Variants in STARD9 observed in about 807,000 individuals in gnomAD.
STARD9 encodes stAR-related lipid transfer protein 9.
In STARD9, 346 loss-of-function variants were observed where a neutral mutation model predicts 399.8. The observed-to-expected ratio is 0.87, with a 90% CI of 0.79 to 0.95. The LOEUF is 0.95. Ranked by LOEUF, STARD9 falls within the 40% of genes least tolerant of loss-of-function variation. The pLI is 0.00. For missense variants in STARD9, 5,832 were observed against 5,667.5 expected (o/e 1.03, Z -0.93); for synonymous variants, 2,203 against 2,143.5 (o/e 1.03, Z -0.77).
At chr15:42,630,828 T>G (rs146458253) in intron 3 of STARD9, among the ~76,000 whole-genome samples, 144 of 152,226 alleles carry the variant, frequency 9.5e-4, no homozygotes, top group African/African-American at 3.4e-3. Flanking sequence ...TCTTCATCTG[T>G]CTAAAGGCTT....
chr15:42,693,226 A>G lies in STARD9; in HGVS notation c.11648A>G (p.Gln3883Arg). Reference sequence around the variant, plus strand: ...GAGTATCCTGGGGACTCCAGGGTCCAGAAGAAGCTGGGCCCCACAAGTGCT... The same window carrying G: ...GAGTATCCTGGGGACTCCAGGGTCCGGAAGAAGCTGGGCCCCACAAGTGCT... ...TSEYPGDSRV[Q>R]KKLGPTSALF... The change falls in exon 23 of 33, where the codon CAG becomes CGG. Residue 3883 changes from glutamine to arginine, a missense_variant. Around this residue, in one of 2 missense-constraint regions of STARD9, gnomAD observed 5,828 missense variants for 5,651.1 expected, o/e 1.03. Transcript: ENST00000290607. 1.3e-6 allele frequency: 2 copies of G among 1,536,956 alleles called. No homozygotes were observed.
intron 7 of STARD9, among the ~76,000 whole-genome samples, chr15:42,647,162 A>AT (rs2059662888): frequency 6.6e-6 from 1 of 152,214 alleles, no homozygotes. Flanking sequence ...AGCCTAGCAC[A>AT]TTGGCCAGTT....
At chr15:42,712,096 TA>T (rs1192910136) in intron 26 of STARD9, among the ~76,000 whole-genome samples, 3 of 508 alleles carry the variant, frequency 5.9e-3, no homozygotes, top group Admixed American at 0.062. Context: ...TATATATATA[TA>T]ATATATAATA....
chr15:42,611,433 T>G (rs1188009509), intron 3 of STARD9, among the ~76,000 whole-genome samples: 4 of 152,238 alleles, frequency 2.6e-5, no homozygotes, highest in Admixed American at 1.3e-4. Flanking sequence ...TTCTTGGAAA[T>G]TCCACCTGAT....
intron 3 of STARD9, among the ~76,000 whole-genome samples, chr15:42,589,099 G>A (rs2058344597): frequency 1.3e-5 from 2 of 152,138 alleles, no homozygotes; most frequent in African/African-American, 4.8e-5. Context: ...ACAGGTGTGA[G>A]CCACCACATC....
chr15:42,720,571 T>C lies in STARD9; in HGVS notation c.*997T>C, dbSNP rs1392358764. The stretch of plus-strand genomic sequence containing the variant: ...CCACCTATCCTAGGATGGGGTGGGA[T>C]GGAGAGTGGGTTCAGTTTTCTTGTA... On this transcript the variant is annotated 3_prime_UTR_variant, in exon 33 of 33. Transcript: ENST00000290607. 1 of 152,054 alleles carries C rather than the reference T, an allele frequency of 6.6e-6. No individual in the cohort carries two copies. The highest frequency in any genetic ancestry group is 1.5e-5 in the Non-Finnish European group (1 of 68,030). 9.4% of individuals were successfully genotyped at this position (152,054 alleles called of 1,614,324 possible).
chr15:42,658,288 G>GGTGTGTGTGTGTGTGT (rs56286330), intron 9 of STARD9, among the ~76,000 whole-genome samples: 1 of 145,854 alleles, frequency 6.9e-6, no homozygotes, highest in African/African-American at 2.5e-5. Flanking sequence ...GGGACTTACA[G>GGTGTGTGTGTGTGTGT]GTGTGTGTGT....
Position 42,681,521 on chromosome 15 carries a change from G to A in STARD9, c.1974G>A (p.Glu658=), listed in dbSNP as rs2060427811. 2.0e-6 allele frequency: 3 copies of A among 1,537,172 alleles called. No individual in the cohort carries two copies. Among genetic ancestry groups the A allele is most frequent in the Non-Finnish European group, 1.7e-6 (2 of 1,146,874 alleles). ...TTCAGCAGCAGCAGAGCTACGTAGA[G>A]GATTTGAGGCATCAAATCCTAGCAG... ...AQIQQQQSYV[E]DLRHQILAEE... is the part of the protein sequence containing the mutation. The change falls in exon 21 of 33, where the codon GAG becomes GAA. Residue 658 remains glutamate, a synonymous_variant. Coordinates refer to ENST00000290607, the MANE Select transcript of STARD9 (RefSeq NM_020759.3).
rs925659244 is a variant in STARD9, at chr15:42,691,093, T to C, written c.9515T>C (p.Leu3172Ser). ...ECLENTTRCF[L>S]EKPQFSTELR... Reference sequence around the variant, plus strand: ...TTAGAAAATACCACTAGATGTTTTTTGGAAAAGCCACAATTTTCCACTGAG... The same window carrying C: ...TTAGAAAATACCACTAGATGTTTTTCGGAAAAGCCACAATTTTCCACTGAG... The change falls in exon 23 of 33, where the codon TTG becomes TCG. Residue 3172 changes from leucine (L) to serine (S), a missense_variant. By Grantham distance (145) the Leu-to-Ser change is moderately radical. Coordinates refer to ENST00000290607, the MANE Select transcript of STARD9 (RefSeq NM_020759.3). 5 of 1,537,240 alleles carry C rather than the reference T, an allele frequency of 3.3e-6. No individual in the cohort carries two copies. The highest frequency in any genetic ancestry group is 1.4e-5 in the African/African-American group (1 of 73,158).
At position 42,691,774 on chromosome 15, in the gene STARD9, A is replaced by T. The variant is rs998299323; in HGVS notation, c.10196A>T (p.His3399Leu). 1 of 1,537,256 alleles carries T rather than the reference A, an allele frequency of 6.5e-7. No homozygotes were observed. The highest frequency in any genetic ancestry group is 2.4e-5 in the East Asian group (1 of 40,916). The change falls in exon 23 of 33, where the codon CAC (histidine) becomes CTC (leucine). Residue 3399 changes from histidine (H) to leucine (L), a missense_variant. By Grantham distance (99) the His-to-Leu change is moderately conservative. Coordinates refer to ENST00000290607, the MANE Select transcript of STARD9 (RefSeq NM_020759.3). ...RLDDGTTDHR[H>L]LKPATPPYPM... is the part of the protein sequence containing the mutation. ...GATGATGGGACTACCGATCACAGGC[A>T]CCTGAAGCCTGCCACCCCTCCTTAT...
intron 3 of STARD9, among the ~76,000 whole-genome samples, chr15:42,625,021 T>A (rs972265756): frequency 1.3e-5 from 2 of 152,172 alleles, no homozygotes; most frequent in African/African-American, 4.8e-5. Flanking sequence ...GAATACATCA[T>A]AGACATTTAA....
rs2061376110 is a variant in STARD9, at chr15:42,717,741, C to T, written c.13505C>T (p.Ala4502Val). 6.5e-7 allele frequency: 1 copy of T among 1,537,228 alleles called. No homozygotes were observed. Among genetic ancestry groups the T allele is most frequent in the African/African-American group, 1.4e-5 (1 of 73,160 alleles). The change falls in exon 29 of 33, where the codon GCT (alanine) becomes GTT (valine). Residue 4502 changes from alanine to valine, a missense_variant. This residue lies in a region of STARD9 where 5,828 missense variants were observed against 5,651.1 expected (regional missense o/e 1.03). Transcript: ENST00000290607. ...CCATTGTGTCCCCAGGTAATGGCTG[C>T]TTGTTCGGATAATTTGCACAACCTC... ...VDTSMADVMA[A>V]CSDNLHNLFS...
chr15:42,673,946 C>T (rs1454678015), intron 16 of STARD9: 2 of 456,426 alleles, frequency 4.4e-6, no homozygotes, highest in African/African-American at 4.0e-5. Flanking sequence ...TGTTAAACTT[C>T]ATCTGCGGAC....
rs372595609 is a variant in STARD9, at chr15:42,626,530, C to T, written c.235-8326C>T. On this transcript the variant is annotated intron_variant, in intron 3 of 32. Transcript: ENST00000290607. ...TTTTTTGTGGCAGGGGAAAGAGTTT[C>T]ATTCTTGTTGCCCAGGCTGGAGCGC... Among the ~76,000 whole-genome samples, 531 of 144,998 alleles carry T rather than the reference C, an allele frequency of 3.7e-3. 10 individuals carry two copies. The South Asian group carries it at 0.049, about 13-fold the overall frequency.
chr15:42,710,309 C>T (rs887099144), intron 26 of STARD9, among the ~76,000 whole-genome samples: 18 of 151,034 alleles, frequency 1.2e-4, no homozygotes, highest in Non-Finnish European at 2.1e-4. Flanking sequence ...GGGATCTGCC[C>T]GCCTGAGCCT....
At chr15:42,719,433 A>C (rs1448427449) in intron 32 of STARD9, 40 bp from the exon 33 acceptor site, 1 of 1,362,832 alleles carries the variant, frequency 7.3e-7, no homozygotes, top group Admixed American at 2.0e-5. Context: ...CATTCTCTCA[A>C]ATCTATTTGC....
At chr15:42,615,174 A>T (rs1036180493) in intron 3 of STARD9, among the ~76,000 whole-genome samples, 12 of 151,736 alleles carry the variant, frequency 7.9e-5, no homozygotes, top group African/African-American at 2.9e-4. Context: ...ATGCTGGCTA[A>T]TTTTTTTGTA....
intron 3 of STARD9, among the ~76,000 whole-genome samples, chr15:42,595,693 C>T (rs2058488588): frequency 6.6e-6 from 1 of 152,150 alleles, no homozygotes; most frequent in South Asian, 2.1e-4. Context: ...ATTTGCAGAG[C>T]TTTGTACATT....
rs371846837 is a variant in STARD9 at position 42,688,445 on chromosome 15, A to G, written c.6867A>G (p.Glu2289=). ...AAAGGGGAGGCAGCCTTCAGGAAGAAAATAAAGTGACTCAGAAATTTCCTA... is the reference window on the plus strand; with the variant it reads ...AAAGGGGAGGCAGCCTTCAGGAAGAGAATAAAGTGACTCAGAAATTTCCTA... The part of the protein sequence containing the change: ...PMQRGGSLQE[E]NKVTQKFPSL... Residue 2289 remains glutamate (E), a synonymous_variant, in exon 23 of 33, where the codon GAA becomes GAG. Transcript: ENST00000290607. 58 of 1,537,784 alleles carry G rather than the reference A, an allele frequency of 3.8e-5. No individual in the cohort carries two copies. The African/African-American group carries it at 6.4e-4, about 17-fold the overall frequency.
Sources: allele counts gnomAD v4.1 joint callset (sites outside exome capture counted in the v4.1 genomes callset), GRCh38; gene constraint gnomAD v4.1.1; regional missense constraint gnomAD v4.1.1; transcripts MANE v1.5; gene names NCBI Gene and HGNC (gene_info 2026-07-23, HGNC 2026-07-21).